EYA2: variants seen among roughly 807,000 people sequenced by gnomAD.
The protein encoded by EYA2 is EYA transcriptional coactivator and phosphatase 2.
EYA2 carries 31 observed loss-of-function variants against 69.2 expected under a neutral mutation model. The ratio of observed to expected loss-of-function variants is 0.45; its 90% CI spans 0.34 to 0.60. The LOEUF is 0.60. Ranked by LOEUF, EYA2 falls within the 20% of genes least tolerant of loss-of-function variation. The pLI is 0.02. For missense variants in EYA2, 622 were observed against 701.2 expected, an observed-to-expected ratio of 0.89 and a Z score of 1.28; for synonymous variants, 257 against 279.4, an observed-to-expected ratio of 0.92 and a Z score of 0.80.
chr20:47,123,983 A>T (rs1205120751), intron 9 of EYA2, among the ~76,000 whole-genome samples: 2 of 148,802 alleles, frequency 1.3e-5, no homozygotes, highest in Admixed American at 6.7e-5. Context: ...TTCCATCTCA[A>T]AAAAAAAAAA....
At chr20:47,010,025 A>G (rs1183966546) in intron 4 of EYA2, among the ~76,000 whole-genome samples, 2 of 152,210 alleles carry the variant, frequency 1.3e-5, no homozygotes, top group African/African-American at 2.4e-5. Flanking sequence ...TGATGGCACC[A>G]TAACTTACTT....
chr20:47,052,546 G>A (rs955696403), intron 5 of EYA2, among the ~76,000 whole-genome samples: 2 of 152,212 alleles, frequency 1.3e-5, no homozygotes, highest in Admixed American at 6.5e-5. Flanking sequence ...CCAGTCCTCT[G>A]CTGAGATTTG....
At chr20:46,900,440 G>A (rs996151835) in intron 1 of EYA2, among the ~76,000 whole-genome samples, 5 of 152,168 alleles carry the variant, frequency 3.3e-5, no homozygotes, top group African/African-American at 1.2e-4. Context: ...AGAGACAGCC[G>A]GGTCTGTTTC....
chr20:46,934,343 C>T (rs1205246355), intron 1 of EYA2, among the ~76,000 whole-genome samples: 1 of 141,758 alleles, frequency 7.1e-6, no homozygotes, highest in African/African-American at 2.5e-5. Context: ...TGTCACCTTC[C>T]TCCTGGCCAG....
intron 2 of EYA2, among the ~76,000 whole-genome samples, chr20:46,992,444 A>G (rs761235891): frequency 1.3e-5 from 2 of 152,216 alleles, no homozygotes; most frequent in African/African-American, 2.4e-5. Context: ...CTGGTAGGCT[A>G]TGAGCCCATT....
At chr20:46,943,696 G>A (rs1342723787) in intron 1 of EYA2, among the ~76,000 whole-genome samples, 1 of 152,176 alleles carries the variant, frequency 6.6e-6, no homozygotes, top group South Asian at 2.1e-4. Context: ...AAAGAGGATG[G>A]CAGCAAAACG....
intron 1 of EYA2, among the ~76,000 whole-genome samples, chr20:46,912,146 C>T (rs1041653942): frequency 1.3e-5 from 2 of 152,134 alleles, no homozygotes; most frequent in African/African-American, 4.8e-5. Context: ...GCAGAAGGAC[C>T]AAATGACCTC....
chr20:47,144,111 A>G (rs2033654380), intron 10 of EYA2, among the ~76,000 whole-genome samples: 1 of 152,210 alleles, frequency 6.6e-6, no homozygotes, highest in Non-Finnish European at 1.5e-5. Flanking sequence ...TAATCCCAGC[A>G]CTTTGGGAGG....
chr20:47,036,476 G>A lies in EYA2; in HGVS notation c.415+20179G>A, dbSNP rs150350286. On this transcript the variant is annotated intron_variant, in intron 5 of 15. Transcript: ENST00000327619. The stretch of plus-strand genomic sequence containing the variant: ...TGCACACGGGCATTATGGTCCTGCC[G>A]TGGCAGGGCTAGGAGGGTAAGCAGA... Among the ~76,000 whole-genome samples the A allele has an allele frequency of 2.6e-3, 394 of 152,276 alleles. 2 individuals are homozygous for A. Among genetic ancestry groups the A allele is most frequent in the African/African-American group, 9.0e-3 (373 of 41,552 alleles).
At chr20:46,964,787 G>C (rs558738854) in intron 1 of EYA2, among the ~76,000 whole-genome samples, 2 of 152,216 alleles carry the variant, frequency 1.3e-5, no homozygotes, top group Non-Finnish European at 2.9e-5. Context: ...CTGTGTAGCT[G>C]GCACTCCAGC....
chr20:46,900,890 A>G (rs916355843), intron 1 of EYA2, among the ~76,000 whole-genome samples: 1 of 152,204 alleles, frequency 6.6e-6, no homozygotes, highest in African/African-American at 2.4e-5. Context: ...ACAGGCTGCT[A>G]TTACGAGAAG....
intron 1 of EYA2, among the ~76,000 whole-genome samples, chr20:46,918,114 A>G (rs1320893604): frequency 1.3e-5 from 2 of 152,088 alleles, no homozygotes; most frequent in East Asian, 3.9e-4. Context: ...AGGTCAGGAG[A>G]TCGAGACCAT....
intron 1 of EYA2, among the ~76,000 whole-genome samples, chr20:46,987,997 T>TATATATATA (rs1568707230): frequency 1.4e-5 from 1 of 69,022 alleles, no homozygotes; most frequent in African/African-American, 5.6e-5. Context: ...TATATATATA[T>TATATATATA]GGGGCAAAAA....
Position 47,164,907 on chromosome 20 carries a change from C to A in EYA2, c.979-4232C>A, listed in dbSNP as rs1409101083. On this transcript the variant is annotated intron_variant, in intron 10 of 15. Coordinates refer to ENST00000327619, the MANE Select transcript of EYA2 (RefSeq NM_005244.5). ...TGAGCTAAGTAGATATGTCTCCAGGCCAGTTTGCAGGCTCTTCCCTAACTG... is the reference window on the plus strand; with the variant it reads ...TGAGCTAAGTAGATATGTCTCCAGGACAGTTTGCAGGCTCTTCCCTAACTG... 3.9e-5 allele frequency among the ~76,000 whole-genome samples: 6 copies of A among 152,156 alleles called. No homozygotes were observed. The East Asian group carries it at 1.2e-3, about 29-fold the overall frequency.
chr20:47,004,813 G>A (rs1398179842), intron 3 of EYA2, 129 bp from the exon 4 acceptor site: 2 of 1,223,240 alleles, frequency 1.6e-6, no homozygotes, highest in Admixed American at 3.6e-5. Context: ...GGGATTTGGT[G>A]AACATGTATG....
chr20:47,079,136 G>T (rs535154693), intron 7 of EYA2, among the ~76,000 whole-genome samples: 2 of 152,174 alleles, frequency 1.3e-5, no homozygotes, highest in African/African-American at 4.8e-5. Flanking sequence ...GTTTATGTTT[G>T]CTCTACAATA....
intron 1 of EYA2, among the ~76,000 whole-genome samples, chr20:46,973,232 A>G (rs991860268): frequency 6.6e-6 from 1 of 152,244 alleles, no homozygotes; most frequent in Admixed American, 6.5e-5. Context: ...AGAGAAATGC[A>G]TTAACAACAC....
intron 5 of EYA2, among the ~76,000 whole-genome samples, chr20:47,040,785 A>G (rs1355347413): frequency 6.6e-6 from 1 of 152,198 alleles, no homozygotes; most frequent in African/African-American, 2.4e-5. Flanking sequence ...TTATCACTGT[A>G]ACTACACTAG....
At chr20:47,102,287 A>G (rs2032444826) in intron 9 of EYA2, among the ~76,000 whole-genome samples, 2 of 152,314 alleles carry the variant, frequency 1.3e-5, no homozygotes, top group South Asian at 2.1e-4. Context: ...GGCCAGCCAA[A>G]TCAAGAGCCC....
Sources: allele counts gnomAD v4.1 joint callset (sites outside exome capture counted in the v4.1 genomes callset), GRCh38; gene constraint gnomAD v4.1.1; transcripts MANE v1.5; gene names NCBI Gene and HGNC (gene_info 2026-07-23, HGNC 2026-07-21).